The following RAP1GAP2 variants were observed in gnomAD, a reference collection of about 807,000 sequenced individuals.
The protein encoded by RAP1GAP2 is RAP1 GTPase activating protein 2.
RAP1GAP2 carries 27 observed loss-of-function variants against 95.0 expected under a neutral mutation model. That is an observed-to-expected ratio of 0.28 (90% CI 0.21 to 0.39). The LOEUF (loss-of-function observed/expected upper bound fraction) is 0.39, where lower values mean the gene tolerates loss of function less well. RAP1GAP2 is among the 10% of genes least tolerant of loss of function. The pLI is 1.00. For synonymous variants in RAP1GAP2, 373 were observed against 380.9 expected, an observed-to-expected ratio of 0.98 and a Z score of 0.24; for missense variants, 771 against 970.0, an observed-to-expected ratio of 0.79 and a Z score of 2.72.
intron 22 of RAP1GAP2, among the ~76,000 whole-genome samples, chr17:3,028,827 G>A (rs747334303): frequency 2.6e-5 from 4 of 152,114 alleles, no homozygotes; most frequent in Non-Finnish European, 5.9e-5. Context: ...TCGAGATGGA[G>A]TCTCACTCTG....
At chr17:3,012,546 AG>A (rs1242065296) in intron 17 of RAP1GAP2, among the ~76,000 whole-genome samples, 19 of 120,150 alleles carry the variant, frequency 1.6e-4, no homozygotes, top group African/African-American at 5.4e-4. Context: ...CAAACCTGGG[AG>A]GTGGAGGTTG....
chr17:3,031,695 A>G (rs55780125), intron 23 of RAP1GAP2, among the ~76,000 whole-genome samples: 39 of 108,908 alleles, frequency 3.6e-4, no homozygotes, highest in East Asian at 7.1e-4. Context: ...ACTATCGAGA[A>G]CTCCAGGTCC....
chr17:2,986,453 C>T (rs746561153), intron 11 of RAP1GAP2, among the ~76,000 whole-genome samples: 8 of 152,064 alleles, frequency 5.3e-5, no homozygotes, highest in African/African-American at 1.9e-4. Flanking sequence ...GTTATAATTA[C>T]TGAACATGAG....
intron 17 of RAP1GAP2, among the ~76,000 whole-genome samples, chr17:3,015,876 C>A (rs932666615): frequency 2.0e-5 from 3 of 152,006 alleles, no homozygotes; most frequent in Non-Finnish European, 4.4e-5. Flanking sequence ...ATGAGACCAT[C>A]TGTAGGTTAC....
intron 12 of RAP1GAP2, among the ~76,000 whole-genome samples, chr17:2,994,645 A>T (rs2045892016): frequency 6.6e-6 from 1 of 152,220 alleles, no homozygotes; most frequent in Non-Finnish European, 1.5e-5. Context: ...GAGGACTTGG[A>T]CATGGCCTTG....
At chr17:2,802,519 G>A (rs1304554223) in intron 2 of RAP1GAP2, among the ~76,000 whole-genome samples, 8 of 152,104 alleles carry the variant, frequency 5.3e-5, no homozygotes, top group Non-Finnish European at 1.2e-4. Flanking sequence ...AGACCAGCCT[G>A]GTCAACATGG....
chr17:2,963,490 G>A lies in RAP1GAP2; in HGVS notation c.279+28G>A, dbSNP rs757299003. 3.1e-6 allele frequency: 5 copies of A among 1,613,444 alleles called. No individual in the cohort carries two copies. The Admixed American group carries it at 5.0e-5, about 16-fold the overall frequency. On this transcript the variant is annotated intron_variant, in intron 6 of 24. Transcript: ENST00000254695. This position sits in a 1 kb window ranked among gnomAD's most constrained non-coding sequence, Gnocchi z 4.8. ...AGGTGCCCTCCCCTCACTCCCACCT[G>A]CCCTGCAGCCTGCTCTGGGTCCCGT...
At chr17:2,882,556 C>A (rs896895613) in intron 2 of RAP1GAP2, among the ~76,000 whole-genome samples, 3 of 152,072 alleles carry the variant, frequency 2.0e-5, no homozygotes, top group Non-Finnish European at 4.4e-5. Flanking sequence ...TCCCAAAGTG[C>A]TGGGATTACA....
intron 2 of RAP1GAP2, among the ~76,000 whole-genome samples, chr17:2,770,624 AATGCACT>A (rs1644436079): frequency 6.6e-6 from 1 of 152,258 alleles, no homozygotes; most frequent in South Asian, 2.1e-4. Context: ...TCCCACCTCG[AATGCACT>A]GAGGCAACTC....
chr17:2,793,667 T>C (rs997275653), upstream of RAP1GAP2, among the ~76,000 whole-genome samples: 2 of 152,256 alleles, frequency 1.3e-5, no homozygotes, highest in Admixed American at 1.3e-4. Flanking sequence ...TAGTTGGGAC[T>C]TTATTAATGG....
intron 3 of RAP1GAP2, among the ~76,000 whole-genome samples, chr17:2,943,969 G>C (rs2043605514): frequency 6.6e-6 from 1 of 151,994 alleles, no homozygotes; most frequent in South Asian, 2.1e-4. Flanking sequence ...CCAACATGGT[G>C]AAACCAGTCT....
chr17:2,860,124 C>T (rs2072316535), intron 2 of RAP1GAP2, among the ~76,000 whole-genome samples: 1 of 152,124 alleles, frequency 6.6e-6, no homozygotes, highest in Non-Finnish European at 1.5e-5. Context: ...GTCCAGAATT[C>T]TGGCCTTGCA....
At chr17:2,780,558 C>G (rs188020660) in intron 1 of RAP1GAP2, among the ~76,000 whole-genome samples, 2 of 152,184 alleles carry the variant, frequency 1.3e-5, no homozygotes, top group South Asian at 2.1e-4. Context: ...AATGTGCACC[C>G]CCCCCAGGAG....
In RAP1GAP2 at chr17:2,797,362, G is replaced by T. The variant is rs989194143; in HGVS notation, c.44+791G>T. Among the ~76,000 whole-genome samples the T allele has an allele frequency of 6.6e-6, 1 of 152,322 alleles. No individual in the cohort carries two copies. Among genetic ancestry groups the T allele is most frequent in the East Asian group, 1.9e-4 (1 of 5,186 alleles). On this transcript the variant is annotated intron_variant, in intron 1 of 24. Transcript: ENST00000254695. The surrounding 1 kb of genome is among the most constrained non-coding windows in gnomAD (Gnocchi z 5.6). ...GAAGGTAGGCACACGAAGGCCAAAG[G>T]CTTGTCTCTGGTTCCCAGTGCTGGC...
At chr17:2,894,079 G>T (rs1246867092) in intron 2 of RAP1GAP2, among the ~76,000 whole-genome samples, 1 of 150,538 alleles carries the variant, frequency 6.6e-6, no homozygotes, top group Non-Finnish European at 1.5e-5. Context: ...GGTTTGAGAC[G>T]AGCCTGGCCA....
Position 2,807,042 on chromosome 17 carries a change from T to C in RAP1GAP2, c.80+6492T>C, listed in dbSNP as rs2069551327. ...CATGCTGTGAGAATTATGCACAACATGGGGCACGTTTTTGTGGCTAATTTT... is the reference window on the plus strand; with the variant it reads ...CATGCTGTGAGAATTATGCACAACACGGGGCACGTTTTTGTGGCTAATTTT... On this transcript the variant is annotated intron_variant, in intron 2 of 24. Coordinates refer to ENST00000254695, the MANE Select transcript of RAP1GAP2 (RefSeq NM_015085.5). Among the ~76,000 whole-genome samples, 5 of 151,736 alleles carry C rather than the reference T, an allele frequency of 3.3e-5. No homozygotes were observed. The South Asian group carries it at 1.0e-3, about 32-fold the overall frequency.
chr17:2,951,212 C>T (rs75107016), intron 3 of RAP1GAP2, among the ~76,000 whole-genome samples: 14,559 of 152,286 alleles, frequency 0.096, 726 homozygotes, highest in South Asian at 0.16. Flanking sequence ...GATCCACTAA[C>T]GCTTCACTGA....
At chr17:2,832,689 G>A (rs888507148) in intron 2 of RAP1GAP2, among the ~76,000 whole-genome samples, 11 of 151,376 alleles carry the variant, frequency 7.3e-5, no homozygotes, top group Non-Finnish European at 1.5e-5. Flanking sequence ...GCTGGGTGCA[G>A]TGGCTGGCCA....
At position 2,822,004 on chromosome 17, in the gene RAP1GAP2, C is replaced by T. The variant is rs558916248; in HGVS notation, c.80+21454C>T. On this transcript the variant is annotated intron_variant, in intron 2 of 24. Transcript: ENST00000254695. ...CATCTGAACCGCATAAAGCCAGTGC[C>T]ACCGGGTGGTGCTGAGGAGGAGGAG... Among the ~76,000 whole-genome samples, 13 of 152,212 alleles carry T rather than the reference C, an allele frequency of 8.5e-5. 1 individual carries two copies. The South Asian group carries it at 2.5e-3, about 29-fold the overall frequency.
Sources: gnomAD v4.1 joint callset for allele counts (sites outside exome capture counted in the v4.1 genomes callset) on GRCh38, gnomAD v4.1.1 for gene constraint, Gnocchi (gnomAD v3.1) non-coding constraint, MANE v1.5 for transcripts, NCBI Gene and HGNC (gene_info 2026-07-23, HGNC 2026-07-21) for gene names.